The following OTUD7B variants were observed in gnomAD, a reference collection of about 807,000 sequenced individuals.
OTUD7B encodes the protein OTU deubiquitinase 7B.
OTUD7B carries 34 observed loss-of-function variants against 82.2 expected under a neutral mutation model. That is an observed-to-expected ratio of 0.41 (90% CI 0.31 to 0.55). OTUD7B has a LOEUF of 0.55. OTUD7B is among the 20% of genes least tolerant of loss of function. The pLI is 0.20. For missense variants in OTUD7B, 944 were observed against 1,062.1 expected (o/e 0.89, Z 1.55); for synonymous variants, 398 against 402.7 (o/e 0.99, Z 0.14).
the OTUD7B span, among the ~76,000 whole-genome samples, chr1:150,049,089 C>A: frequency 2.6e-5 from 4 of 152,138 alleles, no homozygotes; most frequent in East Asian, 5.8e-4. Flanking sequence ...CCGTCTGCCT[C>A]AGCCTCCCAA....
At chr1:150,063,277 C>A in the OTUD7B span, among the ~76,000 whole-genome samples, 263 of 152,066 alleles carry the variant, frequency 1.7e-3, no homozygotes, top group African/African-American at 6.2e-3. Context: ...CATGGTGAAA[C>A]CCTGCCTGTA....
In OTUD7B at chr1:149,965,770, G is replaced by C; in HGVS notation, c.604+7C>G. 6.2e-7 allele frequency: 1 copy of C among 1,604,694 alleles called. No individual in the cohort carries two copies. Among genetic ancestry groups the C allele is most frequent in the African/African-American group, 1.3e-5 (1 of 74,886 alleles). On this transcript the variant is annotated splice_region_variant and intron_variant, in intron 5 of 11. Transcript: ENST00000581312. ...CAGGTGAATGGAGGACTGCTTTCAA[G>C]ACTCACCAAGGGAGGCTGCATGCAG... is the stretch of plus-strand genomic sequence containing the variant.
chr1:150,012,961 G>C (rs140656178), upstream of OTUD7B, among the ~76,000 whole-genome samples: 9 of 152,286 alleles, frequency 5.9e-5, no homozygotes, highest in African/African-American at 1.7e-4. Context: ...TCCCATTCCT[G>C]TGTCTCAGTT....
At chr1:150,016,972 C>T in the OTUD7B span, among the ~76,000 whole-genome samples, 1 of 152,208 alleles carries the variant, frequency 6.6e-6, no homozygotes, top group Non-Finnish European at 1.5e-5. Flanking sequence ...CAATCTGTAT[C>T]ACCTCCTTTT....
At chr1:149,981,708 C>G (rs1650742957) in intron 1 of OTUD7B, among the ~76,000 whole-genome samples, 1 of 152,180 alleles carries the variant, frequency 6.6e-6, no homozygotes, top group Admixed American at 6.5e-5. Flanking sequence ...ATTGTATAAA[C>G]TTAACAGGCT....
the OTUD7B span, chr1:150,054,049 G>A: frequency 2.7e-6 from 1 of 373,686 alleles, no homozygotes; most frequent in African/African-American, 2.1e-5. Flanking sequence ...CATCTGCTAT[G>A]TATTCCAGAA....
chr1:149,995,231 C>T (rs959030753), intron 1 of OTUD7B, among the ~76,000 whole-genome samples: 1 of 152,196 alleles, frequency 6.6e-6, no homozygotes, highest in African/African-American at 2.4e-5. Flanking sequence ...TGCCCAGATA[C>T]TCCTGGATCC....
chr1:149,965,172 C>G (rs587635266), intron 5 of OTUD7B, among the ~76,000 whole-genome samples: 1 of 152,160 alleles, frequency 6.6e-6, no homozygotes, highest in African/African-American at 2.4e-5. Context: ...GAATTACAGG[C>G]GTGAGCCATT....
intron 1 of OTUD7B, among the ~76,000 whole-genome samples, chr1:149,991,167 T>C (rs1651546875): frequency 6.6e-6 from 1 of 152,056 alleles, no homozygotes; most frequent in East Asian, 1.9e-4. Context: ...TTTTGTTTTT[T>C]AAAATAATAT....
In OTUD7B at chr1:149,944,221, C is replaced by A. The variant is rs376252200; in HGVS notation, c.2168G>T (p.Gly723Val). 13 of 1,612,860 alleles carry A rather than the reference C, an allele frequency of 8.1e-6. No homozygotes were observed. The Admixed American group carries it at 8.3e-5, about 10-fold the overall frequency. Reference sequence around the variant, plus strand: ...GGGGAAGGTGGCATATGGTGGTAGGCCCCCGACACATGGACCCCCTGCCAA... The same window carrying A: ...GGGGAAGGTGGCATATGGTGGTAGGACCCCGACACATGGACCCCCTGCCAA... ...RQLAGGPCVG[G>V]LPPYATFPRQ... The change falls in exon 12 of 12, where the codon GGC becomes GTC. Residue 723 changes from glycine to valine, a missense_variant. This residue lies in a region of OTUD7B where 412 missense variants were observed against 418.7 expected (regional missense o/e 0.98). Transcript: ENST00000581312.
upstream of OTUD7B, among the ~76,000 whole-genome samples, chr1:150,011,685 G>T (rs187320480): frequency 6.6e-6 from 1 of 152,134 alleles, no homozygotes; most frequent in African/African-American, 2.4e-5. Flanking sequence ...AACACAAAAC[G>T]ATGCCAACCC....
At chr1:149,945,204 A>T in intron 11 of OTUD7B, 139 bp from the exon 12 acceptor site, 1 of 1,142,016 alleles carries the variant, frequency 8.8e-7, no homozygotes, top group Non-Finnish European at 1.2e-6. Flanking sequence ...GTAGAAAAGG[A>T]TGGACACCTA....
intron 1 of OTUD7B, among the ~76,000 whole-genome samples, chr1:149,982,679 T>A (rs1553779997): frequency 6.6e-6 from 1 of 152,030 alleles, no homozygotes; most frequent in African/African-American, 2.4e-5. Flanking sequence ...CTAACATTTC[T>A]GCCTTAGAAT....
the OTUD7B span, among the ~76,000 whole-genome samples, chr1:150,066,328 C>T: frequency 6.6e-6 from 1 of 152,092 alleles, no homozygotes; most frequent in African/African-American, 2.4e-5. This position sits in a 1 kb window ranked among gnomAD's most constrained non-coding sequence, Gnocchi z 4.6. Flanking sequence ...TAAAGATTCA[C>T]ATTTTCACTT....
At chr1:150,063,452 A>G in the OTUD7B span, among the ~76,000 whole-genome samples, 1 of 151,818 alleles carries the variant, frequency 6.6e-6, no homozygotes, top group Non-Finnish European at 1.5e-5. Flanking sequence ...CGTCTCAAAG[A>G]AAAAAAAAGA....
intron 6 of OTUD7B, among the ~76,000 whole-genome samples, chr1:149,960,728 ACTGCCAC>A (rs1434145024): frequency 6.6e-6 from 1 of 151,674 alleles, no homozygotes; most frequent in Non-Finnish European, 1.5e-5. Flanking sequence ...CCTACTGGAG[ACTGCCAC>A]CTGCCCATGG....
upstream of OTUD7B, among the ~76,000 whole-genome samples, chr1:150,011,856 TCA>T (rs1320721871): frequency 6.6e-6 from 1 of 152,228 alleles, no homozygotes; most frequent in African/African-American, 2.4e-5. Flanking sequence ...CACTTCTTCC[TCA>T]GTTTCTAAAG....
intron 7 of OTUD7B, among the ~76,000 whole-genome samples, chr1:149,957,454 G>A (rs1173738709): frequency 1.3e-5 from 2 of 152,066 alleles, no homozygotes; most frequent in Non-Finnish European, 2.9e-5. Context: ...CTACTGGGAG[G>A]TGTCTCCCAA....
intron 1 of OTUD7B, among the ~76,000 whole-genome samples, chr1:149,988,405 C>A (rs1364879152): frequency 6.6e-6 from 1 of 152,110 alleles, no homozygotes; most frequent in African/African-American, 2.4e-5. Context: ...CTACAAACAG[C>A]AGGCCTGATA....
Sources: allele counts gnomAD v4.1 joint callset (sites outside exome capture counted in the v4.1 genomes callset), GRCh38; gene constraint gnomAD v4.1.1; regional missense constraint gnomAD v4.1.1; non-coding constraint Gnocchi (gnomAD v3.1); transcripts MANE v1.5; gene names NCBI Gene and HGNC (gene_info 2026-07-23, HGNC 2026-07-21).